LUC7L2: variants seen among roughly 807,000 people sequenced by gnomAD.
LUC7L2 encodes the protein LUC7 like 2, pre-mRNA splicing factor, also known as putative RNA-binding protein Luc7-like 2.
Under a neutral mutation model 52.8 loss-of-function variants are expected in LUC7L2, and 25 were observed. The observed-to-expected ratio is 0.47, with a 90% CI of 0.34 to 0.66. LUC7L2 has a LOEUF of 0.66. Among genes scored for constraint, LUC7L2 ranks in the 30% least tolerant of loss-of-function variants. LUC7L2 has a pLI of 0.01. For missense variants in LUC7L2, 328 were observed against 497.8 expected (o/e 0.66, Z 3.25); for synonymous variants, 144 against 160.9 (o/e 0.89, Z 0.80).
intron 7 of LUC7L2, among the ~76,000 whole-genome samples, chr7:139,410,905 A>G (rs1273130179): frequency 3.3e-5 from 5 of 152,056 alleles, no homozygotes; most frequent in East Asian, 3.9e-4. Context: ...CTACATGTCT[A>G]TATGGTCCCT....
rs1199521381 is a variant in LUC7L2 at position 139,382,051 on chromosome 7, TTTTTTGTA to T, written c.156+5908_156+5915del. ...AAGGTGCGCCACCAGGCCTGGCTAA[TTTTTTGTA>T]TTTTTGTATTTTAGTAGAGATGGAG... is the stretch of plus-strand genomic sequence containing the variant. On this transcript the variant is annotated intron_variant, in intron 2 of 9. Coordinates refer to ENST00000354926, the MANE Select transcript of LUC7L2 (RefSeq NM_016019.5). Among the ~76,000 whole-genome samples the T allele has an allele frequency of 5.8e-4, 88 of 151,814 alleles. 1 individual carries two copies. Among genetic ancestry groups the T allele is most frequent in the Non-Finnish European group, 1.5e-5 (1 of 67,940 alleles).
At chr7:139,355,111 TA>T (rs1799570963), upstream of LUC7L2, among the ~76,000 whole-genome samples, 1 of 151,782 alleles carries the variant, frequency 6.6e-6, no homozygotes, top group Non-Finnish European at 1.5e-5. Flanking sequence ...TTCTCCTGCG[TA>T]GATCTCCCAA....
chr7:139,400,738 T>TAGTC lies in LUC7L2; in HGVS notation c.256-1398_256-1395dup, dbSNP rs751424365. Among the ~76,000 whole-genome samples, 28 of 152,328 alleles carry TAGTC rather than the reference T, an allele frequency of 1.8e-4. No individual in the cohort carries two copies. In the Middle Eastern group the frequency reaches 0.01, roughly 56 times the overall value. Reference sequence around the variant, plus strand: ...TAGTCACCCAACACTATTTGCTGATTAGTCCATCTTTTCTCTCACTGCTTT... The same window carrying TAGTC: ...TAGTCACCCAACACTATTTGCTGATTAGTCAGTCCATCTTTTCTCTCACTGCTTT... On this transcript the variant is annotated intron_variant, in intron 3 of 9. Transcript: ENST00000354926.
intron 6 of LUC7L2, among the ~76,000 whole-genome samples, chr7:139,408,390 A>G (rs1361845868): frequency 6.6e-6 from 1 of 152,192 alleles, no homozygotes. Context: ...CAGCATCAGG[A>G]TGGTAATTGG....
chr7:139,357,877 G>A (rs190431171), upstream of LUC7L2, among the ~76,000 whole-genome samples: 2 of 151,850 alleles, frequency 1.3e-5, no homozygotes, highest in Non-Finnish European at 2.9e-5. Context: ...ATTTTTAGTA[G>A]AGACAGGGTT....
intron 1 of LUC7L2, among the ~76,000 whole-genome samples, chr7:139,361,464 T>C (rs3922848): frequency 0.39 from 58,833 of 152,228 alleles, 15,927 homozygotes; most frequent in African/African-American, 0.77. Flanking sequence ...ATTTTAAAAA[T>C]TTTATTGCAT....
At chr7:139,419,613 T>C (rs1265545491) in intron 9 of LUC7L2, among the ~76,000 whole-genome samples, 1 of 152,244 alleles carries the variant, frequency 6.6e-6, no homozygotes, top group Non-Finnish European at 1.5e-5. Context: ...TTGTTGTTGC[T>C]GAACTCCTAA....
intron 1 of LUC7L2, among the ~76,000 whole-genome samples, chr7:139,368,276 T>A (rs73732746): frequency 0.023 from 3,550 of 152,298 alleles, 147 homozygotes; most frequent in African/African-American, 0.08. Flanking sequence ...ACCAAAAATC[T>A]AATGGGAATG....
chr7:139,342,491 G>A (rs1563246822), intron 1 of LUC7L2, among the ~76,000 whole-genome samples: 1 of 152,102 alleles, frequency 6.6e-6, no homozygotes, highest in Non-Finnish European at 1.5e-5. Context: ...GTGGTAGGCC[G>A]AACAGGAACT....
At chr7:139,340,549 T>G in intron 1 of LUC7L2, 1 of 398,376 alleles carries the variant, frequency 2.5e-6, no homozygotes, top group Non-Finnish European at 4.4e-6. Flanking sequence ...TGTGGACTTT[T>G]GTTCTCTAAC....
rs1039814519 is a variant in LUC7L2 at position 139,340,773 on chromosome 7, G to A, written c.-26+256G>A. ...GTGGGTTCGAGTCCCATCTGGGGTG[G>A]CCTGTGACTTTTGTCCTTTTTTCCC... On this transcript the variant is annotated intron_variant, in intron 1 of 10. Transcript: ENST00000541170. Among the ~76,000 whole-genome samples, 17 of 152,156 alleles carry A rather than the reference G, an allele frequency of 1.1e-4. No individual in the cohort carries two copies. In the South Asian group the frequency reaches 1.9e-3, roughly 17 times the overall value.
At chr7:139,392,399 A>G (rs958877048) in intron 2 of LUC7L2, 11 of 383,064 alleles carry the variant, frequency 2.9e-5, no homozygotes, top group African/African-American at 2.2e-4. Context: ...AAAGTTAAAA[A>G]TTCTTGACGA....
intron 2 of LUC7L2, among the ~76,000 whole-genome samples, chr7:139,384,540 G>A (rs1209372478): frequency 6.6e-6 from 1 of 152,124 alleles, no homozygotes. Flanking sequence ...TCTAGAGACT[G>A]CCTAAATAAA....
intron 1 of LUC7L2, among the ~76,000 whole-genome samples, chr7:139,366,856 A>G (rs181705302): frequency 1.4e-4 from 22 of 152,372 alleles, no homozygotes; most frequent in Non-Finnish European, 2.8e-4. Context: ...TATGGGCCCC[A>G]GCAATCCATG....
chr7:139,372,458 T>C (rs993464459), intron 1 of LUC7L2, among the ~76,000 whole-genome samples: 1 of 152,186 alleles, frequency 6.6e-6, no homozygotes, highest in East Asian at 1.9e-4. Flanking sequence ...TAGTGCTTTT[T>C]TTTCTACTTT....
chr7:139,365,878 T>C (rs749528829), intron 1 of LUC7L2, among the ~76,000 whole-genome samples: 1 of 152,180 alleles, frequency 6.6e-6, no homozygotes, highest in Non-Finnish European at 1.5e-5. Context: ...ATTCAAAACT[T>C]GCAGAAAAGC....
chr7:139,401,285 C>T (rs1794904516), intron 3 of LUC7L2, among the ~76,000 whole-genome samples: 1 of 152,110 alleles, frequency 6.6e-6, no homozygotes, highest in African/African-American at 2.4e-5. Context: ...GAAATACTTA[C>T]TGTTAGCATT....
intron 7 of LUC7L2, among the ~76,000 whole-genome samples, chr7:139,410,983 C>T (rs182749700): frequency 1.3e-5 from 2 of 152,230 alleles, no homozygotes; most frequent in East Asian, 3.9e-4. Flanking sequence ...TAAAGTTTAC[C>T]TCAGAGCTTT....
upstream of LUC7L2, among the ~76,000 whole-genome samples, chr7:139,355,523 G>A (rs895366971): frequency 6.6e-6 from 1 of 152,118 alleles, no homozygotes; most frequent in African/African-American, 2.4e-5. Context: ...AAGCAGCCAA[G>A]CTTGGAAATT....
Sources: gnomAD v4.1 joint callset for allele counts (sites outside exome capture counted in the v4.1 genomes callset) on GRCh38, gnomAD v4.1.1 for gene constraint, MANE v1.5 for transcripts, NCBI Gene and HGNC (gene_info 2026-07-23, HGNC 2026-07-21) for gene names.